OCA2: variants seen among roughly 807,000 people sequenced by gnomAD.
OCA2 encodes the protein OCA2 melanosomal transmembrane protein.
In OCA2, 77 loss-of-function variants were observed where a neutral mutation model predicts 100.2. That is an observed-to-expected ratio of 0.77 (90% CI 0.64 to 0.93). The LOEUF (loss-of-function observed/expected upper bound fraction) is 0.93. Ranked by LOEUF, OCA2 falls within the 40% of genes least tolerant of loss-of-function variation. The probability of loss-of-function intolerance (pLI) is 0.00; values close to 1 mark genes in which losing one functional copy is unlikely to be tolerated. For synonymous variants in OCA2, 432 were observed against 439.2 expected (o/e 0.98, Z 0.21); for missense variants, 1,062 against 1,089.1 (o/e 0.98, Z 0.35).
chr15:27,810,691 C>A (rs1214632509), intron 23 of OCA2, among the ~76,000 whole-genome samples: 1 of 152,050 alleles, frequency 6.6e-6, no homozygotes, highest in Non-Finnish European at 1.5e-5. Flanking sequence ...AACAAATAAT[C>A]CCATCAGAAA....
intron 1 of OCA2, among the ~76,000 whole-genome samples, chr15:28,098,884 C>T (rs1302389088): frequency 6.6e-6 from 1 of 152,240 alleles, no homozygotes; most frequent in Non-Finnish European, 1.5e-5. Context: ...CCCGCAGTGC[C>T]AGATGCTGCC....
chr15:27,812,208 C>T (rs530642086), intron 23 of OCA2, among the ~76,000 whole-genome samples: 17 of 152,330 alleles, frequency 1.1e-4, no homozygotes, highest in Admixed American at 2.0e-4. Context: ...AAAGCCACCA[C>T]GACCTTCTGC....
chr15:27,721,029 C>T, the OCA2 span, among the ~76,000 whole-genome samples: 1 of 152,202 alleles, frequency 6.6e-6, no homozygotes, highest in Non-Finnish European at 1.5e-5. Flanking sequence ...AGCTGGCATG[C>T]ATTCTAGTGA....
At chr15:28,039,025 G>A (rs539581785) in intron 2 of OCA2, among the ~76,000 whole-genome samples, 7 of 152,208 alleles carry the variant, frequency 4.6e-5, no homozygotes, top group Admixed American at 1.3e-4. Context: ...GAGTTAAGAC[G>A]AAATAGACTT....
At chr15:27,851,277 A>T in intron 22 of OCA2, 105 bp downstream of exon 22, 2 of 920,166 alleles carry the variant, frequency 2.2e-6, no homozygotes, top group Non-Finnish European at 3.5e-6. Flanking sequence ...AATCATCCAG[A>T]CTCTCCTTCA....
intron 23 of OCA2, among the ~76,000 whole-genome samples, chr15:27,810,497 G>GT (rs2034033391): frequency 2.0e-5 from 3 of 152,140 alleles, no homozygotes; most frequent in African/African-American, 7.2e-5. Flanking sequence ...AAAAATGAAA[G>GT]TAAATAAATG....
chr15:28,019,229 A>G (rs766367996), intron 6 of OCA2, among the ~76,000 whole-genome samples: 1 of 151,784 alleles, frequency 6.6e-6, no homozygotes, highest in South Asian at 2.1e-4. Context: ...GGAAAGAGGG[A>G]GGGAGAGAAT....
intron 16 of OCA2, among the ~76,000 whole-genome samples, chr15:27,956,518 A>G (rs2040227848): frequency 6.6e-6 from 1 of 152,146 alleles, no homozygotes; most frequent in Admixed American, 6.5e-5. Flanking sequence ...CGGAGCCCAC[A>G]TGTTTCCTCA....
intron 14 of OCA2, among the ~76,000 whole-genome samples, chr15:27,980,378 C>T (rs906612606): frequency 1.1e-4 from 16 of 152,166 alleles, no homozygotes; most frequent in African/African-American, 3.6e-4. Flanking sequence ...CCGACCGCCT[C>T]AGCCTCCCAA....
intron 7 of OCA2, among the ~76,000 whole-genome samples, chr15:28,016,563 G>T (rs1221154348): frequency 6.6e-6 from 1 of 152,240 alleles, no homozygotes; most frequent in Non-Finnish European, 1.5e-5. Context: ...AGGATCACTT[G>T]AGGCCAAGAG....
At chr15:28,080,703 C>A (rs1450427753) in intron 2 of OCA2, among the ~76,000 whole-genome samples, 2 of 152,218 alleles carry the variant, frequency 1.3e-5, no homozygotes, top group Admixed American at 6.5e-5. Flanking sequence ...GGGGTCGGAG[C>A]TCTGGCTGTG....
At chr15:27,808,781 C>T (rs1158939674) in intron 23 of OCA2, among the ~76,000 whole-genome samples, 2 of 152,138 alleles carry the variant, frequency 1.3e-5, no homozygotes, top group African/African-American at 4.8e-5. Flanking sequence ...GGGTGAGGAA[C>T]AGCGAGGAGG....
intron 2 of OCA2, among the ~76,000 whole-genome samples, chr15:28,079,986 A>G (rs1257715403): frequency 6.6e-6 from 1 of 152,218 alleles, no homozygotes; most frequent in African/African-American, 2.4e-5. Flanking sequence ...CGAAGCAAGA[A>G]GTGAGGTCAA....
chr15:27,796,735 G>T (rs2151154414), intron 23 of OCA2, among the ~76,000 whole-genome samples: 1 of 152,318 alleles, frequency 6.6e-6, no homozygotes, highest in African/African-American at 2.4e-5. Context: ...CCTGGCCCCA[G>T]GTTGGAAGCA....
At chr15:27,738,116 C>A in the OCA2 span, among the ~76,000 whole-genome samples, 2 of 152,094 alleles carry the variant, frequency 1.3e-5, no homozygotes, top group East Asian at 1.9e-4. Flanking sequence ...TAATCTTGAA[C>A]CTTTGCTCAC....
chr15:27,980,277 A>G (rs2041115534), intron 14 of OCA2, among the ~76,000 whole-genome samples: 1 of 151,704 alleles, frequency 6.6e-6, no homozygotes, highest in African/African-American at 2.4e-5. Flanking sequence ...ACAGGCACCC[A>G]ATACCACGCC....
At chr15:27,870,784 AAGAAAAAGAAAG>A (rs376504152) in intron 21 of OCA2, among the ~76,000 whole-genome samples, 10 of 100,868 alleles carry the variant, frequency 9.9e-5, no homozygotes, top group East Asian at 3.9e-4. Context: ...GAAAGAAAGA[AAGAAAAAGAAAG>A]AAAGAAAGAA....
intron 23 of OCA2, among the ~76,000 whole-genome samples, chr15:27,774,213 C>T (rs2032054277): frequency 6.6e-6 from 1 of 151,940 alleles, no homozygotes; most frequent in Non-Finnish European, 1.5e-5. Flanking sequence ...TGTCACCTCA[C>T]CCCACTGTGG....
rs776488201 is a variant in OCA2, at chr15:27,833,313, T to C, written c.2432+11646A>G. On this transcript the variant is annotated intron_variant, in intron 23 of 23. Transcript: ENST00000354638. Reference sequence around the variant, plus strand: ...CAATATGCTATCGTGACAGTACACATGTGGAGCTGGCCACATTTGGGTCAT... The same window carrying C: ...CAATATGCTATCGTGACAGTACACACGTGGAGCTGGCCACATTTGGGTCAT... Among the ~76,000 whole-genome samples the C allele has an allele frequency of 9.1e-4, 139 of 152,358 alleles. 1 individual carries two copies. Among genetic ancestry groups the C allele is most frequent in the Admixed American group, 2.8e-3 (43 of 15,306 alleles).
Sources: gnomAD v4.1 joint callset for allele counts (sites outside exome capture counted in the v4.1 genomes callset) on GRCh38, gnomAD v4.1.1 for gene constraint, MANE v1.5 for transcripts, NCBI Gene and HGNC (gene_info 2026-07-23, HGNC 2026-07-21) for gene names.